The following SCHIP1 variants were observed in gnomAD, a reference collection of about 807,000 sequenced individuals.
SCHIP1 encodes the protein schwannomin-interacting protein 1.
In SCHIP1, 8 loss-of-function variants were observed where a neutral mutation model predicts 29.7. The observed-to-expected ratio is 0.27, with a 90% CI of 0.16 to 0.49. The LOEUF (loss-of-function observed/expected upper bound fraction) is 0.49, where lower values mean the gene tolerates loss of function less well. Among genes scored for constraint, SCHIP1 ranks in the 20% least tolerant of loss-of-function variants. The probability of loss-of-function intolerance (pLI) is 0.99; values close to 1 mark genes in which losing one functional copy is unlikely to be tolerated. For synonymous variants in SCHIP1, 76 were observed against 94.9 expected (o/e 0.80, Z 1.16); for missense variants, 193 against 294.6 (o/e 0.66, Z 2.52).
chr3:159,750,744 T>C, the SCHIP1 span, among the ~76,000 whole-genome samples: 46 of 152,242 alleles, frequency 3.0e-4, no homozygotes, highest in African/African-American at 1.1e-3. Flanking sequence ...CCACATTTGG[T>C]GATGGGGCAG....
chr3:159,754,111 C>T, the SCHIP1 span, among the ~76,000 whole-genome samples: 16 of 152,326 alleles, frequency 1.1e-4, no homozygotes, highest in African/African-American at 3.6e-4. Context: ...ACCACTTTAT[C>T]CCTCAGTGCC....
chr3:159,284,679 T>A, the SCHIP1 span, among the ~76,000 whole-genome samples: 24,404 of 151,760 alleles, frequency 0.16, 2,261 homozygotes, highest in Middle Eastern at 0.26. Context: ...TTTTCTTTAG[T>A]AGAGATTGGG....
chr3:159,661,102 A>G, the SCHIP1 span, among the ~76,000 whole-genome samples: 1 of 152,194 alleles, frequency 6.6e-6, no homozygotes, highest in African/African-American at 2.4e-5. Context: ...ATGCTGAGCT[A>G]TGATAAGAAG....
chr3:159,886,898 G>A (rs1717017352), intron 3 of SCHIP1: 1 of 155,924 alleles, frequency 6.4e-6, no homozygotes, highest in African/African-American at 2.4e-5. Flanking sequence ...GGAAGGCAAG[G>A]AGGAGCAAGT....
chr3:159,288,333 A>C, the SCHIP1 span, among the ~76,000 whole-genome samples: 1 of 152,246 alleles, frequency 6.6e-6, no homozygotes, highest in Non-Finnish European at 1.5e-5. Flanking sequence ...CCCCTCATGC[A>C]ACTGCTTCTA....
At chr3:159,673,647 C>T in the SCHIP1 span, among the ~76,000 whole-genome samples, 2 of 152,140 alleles carry the variant, frequency 1.3e-5, no homozygotes, top group South Asian at 2.1e-4. Flanking sequence ...CTTCTAGGTC[C>T]CCTGAAAGGA....
chr3:159,868,530 A>T (rs754846883), intron 2 of SCHIP1, among the ~76,000 whole-genome samples: 21 of 152,124 alleles, frequency 1.4e-4, no homozygotes, highest in Admixed American at 4.6e-4. Flanking sequence ...CCTTTTAGCT[A>T]AGATCAAGTG....
the SCHIP1 span, among the ~76,000 whole-genome samples, chr3:159,360,436 A>T: frequency 2.0e-5 from 3 of 151,606 alleles, no homozygotes; most frequent in African/African-American, 7.3e-5. Flanking sequence ...TTGTTGTTAG[A>T]CTCTTCCCCT....
chr3:159,283,816 T>C, the SCHIP1 span, among the ~76,000 whole-genome samples: 11 of 152,242 alleles, frequency 7.2e-5, no homozygotes, highest in Non-Finnish European at 1.5e-4. Flanking sequence ...AAAGTCTTAT[T>C]GTATTGATTA....
the SCHIP1 span, among the ~76,000 whole-genome samples, chr3:159,511,978 G>GA: frequency 6.6e-6 from 1 of 151,920 alleles, no homozygotes; most frequent in East Asian, 1.9e-4. Flanking sequence ...AAACTCAAAG[G>GA]AAAAAAATGA....
chr3:159,434,236 TTTAA>T, the SCHIP1 span, among the ~76,000 whole-genome samples: 1 of 152,178 alleles, frequency 6.6e-6, no homozygotes, highest in African/African-American at 2.4e-5. Flanking sequence ...CTATCTTTGC[TTTAA>T]TTGAGTTTAC....
At chr3:159,525,689 T>C in the SCHIP1 span, among the ~76,000 whole-genome samples, 3 of 152,196 alleles carry the variant, frequency 2.0e-5, no homozygotes, top group Non-Finnish European at 4.4e-5. Flanking sequence ...CATTTGCATT[T>C]TCCTTTGATT....
the SCHIP1 span, among the ~76,000 whole-genome samples, chr3:159,366,617 G>C: frequency 6.6e-6 from 1 of 152,122 alleles, no homozygotes; most frequent in African/African-American, 2.4e-5. Context: ...CTAATAATTT[G>C]TGTCTAGACT....
At chr3:159,293,600 G>C in the SCHIP1 span, among the ~76,000 whole-genome samples, 1 of 152,142 alleles carries the variant, frequency 6.6e-6, no homozygotes, top group Non-Finnish European at 1.5e-5. Context: ...CAATCTGTCA[G>C]GAAGAATTAT....
At chr3:159,781,308 T>C in the SCHIP1 span, among the ~76,000 whole-genome samples, 1 of 152,144 alleles carries the variant, frequency 6.6e-6, no homozygotes, top group Non-Finnish European at 1.5e-5. Context: ...CTCAAGTAGC[T>C]GGGATTACAG....
At chr3:159,513,967 G>A in the SCHIP1 span, among the ~76,000 whole-genome samples, 1 of 152,174 alleles carries the variant, frequency 6.6e-6, no homozygotes, top group Non-Finnish European at 1.5e-5. Flanking sequence ...TTGGACAATA[G>A]CATCCTATAA....
At chr3:159,365,155 G>A in the SCHIP1 span, among the ~76,000 whole-genome samples, 1 of 152,178 alleles carries the variant, frequency 6.6e-6, no homozygotes, top group Non-Finnish European at 1.5e-5. Flanking sequence ...AAGGATTGGG[G>A]CGGGTACCAG....
the SCHIP1 span, among the ~76,000 whole-genome samples, chr3:159,714,544 C>A: frequency 1.3e-5 from 2 of 152,222 alleles, no homozygotes; most frequent in African/African-American, 4.8e-5. Context: ...TCACTCCCAC[C>A]CTAATACTGC....
the SCHIP1 span, among the ~76,000 whole-genome samples, chr3:159,656,007 G>C: frequency 6.6e-6 from 1 of 152,200 alleles, no homozygotes. Flanking sequence ...TGGGGTAACA[G>C]TATTTCCAGC....
Sources: allele counts gnomAD v4.1 joint callset (sites outside exome capture counted in the v4.1 genomes callset), GRCh38; gene constraint gnomAD v4.1.1; transcripts MANE v1.5; gene names NCBI Gene and HGNC (gene_info 2026-07-23, HGNC 2026-07-21).